GLRA1: variants seen among roughly 807,000 people sequenced by gnomAD.
GLRA1 encodes the protein glycine receptor alpha 1.
Under a neutral mutation model 48.3 loss-of-function variants are expected in GLRA1, and 37 were observed. The ratio of observed to expected loss-of-function variants is 0.77; its 90% confidence interval spans 0.59 to 1.01. The LOEUF is 1.01. Ranked by LOEUF, GLRA1 falls within the 50% of genes least tolerant of loss-of-function variation. GLRA1 has a pLI of 0.00. For missense variants in GLRA1, 427 were observed against 571.0 expected (o/e 0.75, Z 2.57); for synonymous variants, 196 against 210.7 (o/e 0.93, Z 0.60).
intron 1 of GLRA1, among the ~76,000 whole-genome samples, chr5:151,904,248 C>T (rs1472442447): frequency 1.3e-5 from 2 of 152,046 alleles, no homozygotes; most frequent in African/African-American, 4.8e-5. Context: ...TCCTTTTTAC[C>T]CTGTACCTTC....
At chr5:151,862,491 TACAGA>T (rs1753232137) in intron 3 of GLRA1, among the ~76,000 whole-genome samples, 1 of 152,186 alleles carries the variant, frequency 6.6e-6, no homozygotes, top group Non-Finnish European at 1.5e-5. Flanking sequence ...ACAGGCAACC[TACAGA>T]ATGGGAGAAA....
rs558795348 is a variant in GLRA1 at position 151,850,983 on chromosome 5, C to T, written c.912+407G>A. On this transcript the variant is annotated intron_variant, in intron 7 of 8. Coordinates refer to ENST00000274576, the MANE Select transcript of GLRA1 (RefSeq NM_000171.4). ...TTTATGCTGAGTCCTATGAATCTTTCTATCAAATCTCTAGATATGAGATTA... is the reference window on the plus strand; with the variant it reads ...TTTATGCTGAGTCCTATGAATCTTTTTATCAAATCTCTAGATATGAGATTA... 3.3e-5 allele frequency among the ~76,000 whole-genome samples: 5 copies of T among 152,292 alleles called. No homozygotes were observed. The South Asian group carries it at 6.2e-4, about 19-fold the overall frequency.
At chr5:151,898,536 G>A (rs935030312) in intron 1 of GLRA1, among the ~76,000 whole-genome samples, 2 of 152,152 alleles carry the variant, frequency 1.3e-5, no homozygotes, top group African/African-American at 4.8e-5. Flanking sequence ...ACCACTCTGG[G>A]TCAGCAGAGG....
chr5:151,840,051 T>C (rs1385533079), intron 7 of GLRA1, among the ~76,000 whole-genome samples: 1 of 151,250 alleles, frequency 6.6e-6, no homozygotes, highest in Non-Finnish European at 1.5e-5. Flanking sequence ...TGGAAAAAAA[T>C]AGTAAAAGAA....
intron 7 of GLRA1, among the ~76,000 whole-genome samples, chr5:151,847,945 T>C (rs1255012212): frequency 6.6e-6 from 1 of 152,190 alleles, no homozygotes; most frequent in Admixed American, 6.5e-5. Context: ...CTGACATTAA[T>C]AGTGAATGGA....
At chr5:151,878,502 T>C (rs1672105726) in intron 3 of GLRA1, among the ~76,000 whole-genome samples, 1 of 152,008 alleles carries the variant, frequency 6.6e-6, no homozygotes, top group South Asian at 2.1e-4. Context: ...CCCAAGACAA[T>C]GGGGAAAATG....
At chr5:151,912,147 AC>A (rs1754630183) in intron 1 of GLRA1, among the ~76,000 whole-genome samples, 2 of 150,884 alleles carry the variant, frequency 1.3e-5, no homozygotes, top group East Asian at 1.9e-4. Context: ...GGGCCGTATC[AC>A]CTCCTTTTTT....
intron 3 of GLRA1, among the ~76,000 whole-genome samples, chr5:151,885,186 T>G (rs1406120152): frequency 6.6e-6 from 1 of 152,240 alleles, no homozygotes; most frequent in Non-Finnish European, 1.5e-5. Flanking sequence ...CCATAAATGC[T>G]TAGGACCAAA....
At chr5:151,852,909 A>G (rs1325794550) in intron 6 of GLRA1, among the ~76,000 whole-genome samples, 1 of 152,212 alleles carries the variant, frequency 6.6e-6, no homozygotes, top group Admixed American at 6.5e-5. Flanking sequence ...ATTCAGCCTT[A>G]AAAAAGAAGG....
intron 1 of GLRA1, among the ~76,000 whole-genome samples, chr5:151,893,769 T>G (rs1754159609): frequency 1.3e-5 from 2 of 152,194 alleles, no homozygotes; most frequent in South Asian, 4.1e-4. Context: ...TTGATGGACA[T>G]TTGTGTTGGT....
chr5:151,833,642 T>C (rs1763482686), intron 7 of GLRA1, among the ~76,000 whole-genome samples: 1 of 151,988 alleles, frequency 6.6e-6, no homozygotes, highest in Non-Finnish European at 1.5e-5. Context: ...TTTGTATTTT[T>C]AGTAGAGATG....
At chr5:151,861,834 T>C (rs1298137769) in intron 3 of GLRA1, among the ~76,000 whole-genome samples, 3 of 152,160 alleles carry the variant, frequency 2.0e-5, no homozygotes, top group African/African-American at 7.2e-5. Flanking sequence ...AGAATCAATA[T>C]CGTGAAAATG....
At position 151,822,677 on chromosome 5, in the gene GLRA1, T is replaced by C. The variant is rs1326024144; in HGVS notation, c.1346A>G (p.Gln449Arg). 1 of 1,609,410 alleles carries C rather than the reference T, an allele frequency of 6.2e-7. No individual in the cohort carries two copies. Among genetic ancestry groups the C allele is most frequent in the East Asian group, 2.2e-5 (1 of 44,862 alleles). Residue 449 changes from glutamine to arginine, a missense_variant, in exon 9 of 9, where the codon CAG becomes CGG. This residue lies in a region of GLRA1 where 121 missense variants were observed against 96.5 expected (regional missense o/e 1.25). Coordinates refer to ENST00000274576, the MANE Select transcript of GLRA1 (RefSeq NM_000171.4). ...KIVRREDVHN[Q>R] Reference sequence around the variant, plus strand: ...TCCCCCAACCTTTCAGACCCTTCACTGGTTGTGGACGTCCTCTCTACGGAC... The same window carrying C: ...TCCCCCAACCTTTCAGACCCTTCACCGGTTGTGGACGTCCTCTCTACGGAC...
chr5:151,923,761 C>T (rs1393876097), intron 1 of GLRA1, among the ~76,000 whole-genome samples: 1 of 152,136 alleles, frequency 6.6e-6, no homozygotes, highest in Non-Finnish European at 1.5e-5. Context: ...ATGAAGATTG[C>T]TCATGAGTTC....
Position 151,924,809 on chromosome 5 carries a change from T to C in GLRA1, c.-260A>G, listed in dbSNP as rs1226777910. The stretch of plus-strand genomic sequence containing the variant: ...TTTTCAGGAGCGCGAAGAGTATTGC[T>C]GTTTGTTAAACTCCAGCGTGTCTGT... On this transcript the variant is annotated 5_prime_UTR_variant, in exon 1 of 9. Coordinates refer to ENST00000274576, the MANE Select transcript of GLRA1 (RefSeq NM_000171.4). The C allele has an allele frequency of 1.7e-5, 10 of 574,010 alleles. No individual in the cohort carries two copies. The African/African-American group carries it at 1.9e-4, about 11-fold the overall frequency. The allele number at this position is 574,010 out of a possible 1,614,324, so 35.6% of individuals were successfully genotyped here.
rs768129276 is a variant in GLRA1, at chr5:151,829,075, G to T, written c.913-8C>A. On this transcript the variant is annotated splice_polypyrimidine_tract_variant and splice_region_variant and intron_variant, in intron 7 of 8. Transcript: ENST00000274576. ...GGCTTTCACATAGGACACCTAGAGT[G>T]GGGGTGGAGGAGAAACAGGGAGGTG... 3.7e-6 allele frequency: 6 copies of T among 1,613,226 alleles called. No individual in the cohort carries two copies. Among genetic ancestry groups the T allele is most frequent in the East Asian group, 2.2e-5 (1 of 44,892 alleles).
intron 8 of GLRA1, among the ~76,000 whole-genome samples, chr5:151,827,178 T>A (rs928055985): frequency 7.2e-5 from 11 of 151,902 alleles, no homozygotes; most frequent in African/African-American, 2.7e-4. Flanking sequence ...AGACTTTTTT[T>A]TTTTTTTTTA....
chr5:151,909,277 C>G (rs906322753), intron 1 of GLRA1, among the ~76,000 whole-genome samples: 21 of 152,102 alleles, frequency 1.4e-4, no homozygotes, highest in Non-Finnish European at 1.9e-4. Flanking sequence ...CAAAGGGTGA[C>G]CTGATCTCAG....
intron 7 of GLRA1, among the ~76,000 whole-genome samples, chr5:151,844,636 A>AAAAAAG (rs1561552444): frequency 4.6e-4 from 68 of 147,836 alleles, no homozygotes; most frequent in African/African-American, 1.5e-3. Context: ...AAAAAAAAAA[A>AAAAAAG]AAAAAGAAAA....
Sources: gnomAD v4.1 joint callset for allele counts (sites outside exome capture counted in the v4.1 genomes callset) on GRCh38, gnomAD v4.1.1 for gene constraint, gnomAD v4.1.1 regional missense constraint, MANE v1.5 for transcripts, NCBI Gene and HGNC (gene_info 2026-07-23, HGNC 2026-07-21) for gene names.